Variants in METTL8 observed in about 807,000 individuals in gnomAD.
METTL8 encodes the protein methyltransferase 8, tRNA N3-cytidine.
In METTL8, 32 loss-of-function variants were observed where a neutral mutation model predicts 48.7. The observed-to-expected ratio is 0.66, with a 90% CI of 0.50 to 0.88. METTL8 has a LOEUF of 0.88. METTL8 is among the 40% of genes least tolerant of loss of function. The pLI, the probability that METTL8 is intolerant of heterozygous loss-of-function variation, is 0.00. For missense variants in METTL8, 464 were observed against 474.4 expected, an observed-to-expected ratio of 0.98 and a Z score of 0.20; for synonymous variants, 136 against 157.1, an observed-to-expected ratio of 0.87 and a Z score of 1.01.
chr2:171,434,519 G>C, upstream of METTL8: 2 of 1,522,794 alleles, frequency 1.3e-6, no homozygotes, highest in Non-Finnish European at 1.8e-6. Context: ...TGCCCAGCAC[G>C]GGAGTGTGGG....
At chr2:171,353,180 A>G (rs79777238) in intron 3 of METTL8, among the ~76,000 whole-genome samples, 1 of 152,030 alleles carries the variant, frequency 6.6e-6, no homozygotes, top group African/African-American at 2.4e-5. Context: ...CTTTGTTCTC[A>G]TTGGTTTCAA....
At chr2:171,372,432 T>C (rs1043519008) in intron 2 of METTL8, among the ~76,000 whole-genome samples, 6 of 152,006 alleles carry the variant, frequency 3.9e-5, no homozygotes, top group Non-Finnish European at 7.4e-5. Context: ...TCTCTATATA[T>C]AAAAGCAAAG....
intron 1 of METTL8, among the ~76,000 whole-genome samples, chr2:171,427,437 A>G (rs1302136740): frequency 1.3e-5 from 2 of 152,164 alleles, no homozygotes; most frequent in Non-Finnish European, 2.9e-5. Context: ...AAAATTCCTT[A>G]CCATTGCCTA....
chr2:171,434,679 C>T (rs369447743), upstream of METTL8: 331 of 1,506,738 alleles, frequency 2.2e-4, 4 homozygotes, highest in South Asian at 3.8e-3. Context: ...CCAACCTGGG[C>T]ATCCTGCGGG....
intron 1 of METTL8, among the ~76,000 whole-genome samples, chr2:171,431,953 C>G (rs1292134674): frequency 3.3e-5 from 5 of 152,244 alleles, no homozygotes; most frequent in African/African-American, 1.2e-4. Flanking sequence ...TGTGACATGC[C>G]TGGTCCAGCC....
At chr2:171,360,711 T>A (rs1476852553) in intron 2 of METTL8, among the ~76,000 whole-genome samples, 198 bp from the exon 3 acceptor site, 1 of 152,210 alleles carries the variant, frequency 6.6e-6, no homozygotes, top group Non-Finnish European at 1.5e-5. Flanking sequence ...AAGATTCTTC[T>A]GTTTAAATCT....
At chr2:171,371,122 G>T (rs1176256317) in intron 2 of METTL8, among the ~76,000 whole-genome samples, 1 of 152,132 alleles carries the variant, frequency 6.6e-6, no homozygotes, top group East Asian at 1.9e-4. Flanking sequence ...AAAATGTCAT[G>T]ATTTCAGAGA....
intron 3 of METTL8, among the ~76,000 whole-genome samples, chr2:171,359,173 C>CA (rs57742852): frequency 0.21 from 22,471 of 109,420 alleles, 2,045 homozygotes; most frequent in Middle Eastern, 0.25. Flanking sequence ...GACCCTGTCT[C>CA]AAAAAAAAAA....
intron 2 of METTL8, among the ~76,000 whole-genome samples, chr2:171,366,970 G>T (rs921525947): frequency 6.6e-6 from 1 of 151,428 alleles, no homozygotes; most frequent in Admixed American, 6.6e-5. Context: ...AATGACAGAT[G>T]TAGAAATTAT....
chr2:171,351,415 CT>C (rs912535029), intron 3 of METTL8, among the ~76,000 whole-genome samples: 49 of 152,258 alleles, frequency 3.2e-4, no homozygotes, highest in African/African-American at 1.2e-3. Context: ...CAGGTTTGCT[CT>C]TTTTGCTTAG....
chr2:171,404,217 CTTA>C (rs553587220), intron 1 of METTL8, among the ~76,000 whole-genome samples: 70 of 151,310 alleles, frequency 4.6e-4, no homozygotes, highest in African/African-American at 1.5e-3. Flanking sequence ...CTCAAAATAT[CTTA>C]TTATACTGTA....
chr2:171,366,583 T>C (rs1685736994), intron 2 of METTL8, among the ~76,000 whole-genome samples: 1 of 152,206 alleles, frequency 6.6e-6, no homozygotes, highest in Non-Finnish European at 1.5e-5. Context: ...ACAAGGACTT[T>C]AAAACAGTAT....
chr2:171,396,265 G>GAATAAATA (rs56295899), intron 1 of METTL8, among the ~76,000 whole-genome samples: 4,399 of 151,066 alleles, frequency 0.029, 75 homozygotes, highest in East Asian at 0.049. Context: ...CTGTCTCAAT[G>GAATAAATA]AATAAATAAA....
At chr2:171,406,624 C>G (rs1260258224) in intron 1 of METTL8, among the ~76,000 whole-genome samples, 1 of 152,150 alleles carries the variant, frequency 6.6e-6, no homozygotes, top group Non-Finnish European at 1.5e-5. Context: ...CTCACTTGAT[C>G]TTTATTACCT....
In METTL8 at chr2:171,326,046, T is replaced by C. The variant is rs1485623476; in HGVS notation, c.963A>G (p.Lys321=). Residue 321 remains lysine, a synonymous_variant, in exon 8 of 10, where the codon AAA becomes AAG. Transcript: ENST00000375258. The part of the protein sequence containing the change: ...GRYDKTQLRF[K]KGHCLSENFY... ...TCAAACTGAATATACTATTACCCTT[T>C]TTAAAACGAAGCTGAGTCTTATCAT... 2.0e-6 allele frequency: 3 copies of C among 1,527,530 alleles called. No individual in the cohort carries two copies. Among genetic ancestry groups the C allele is most frequent in the East Asian group, 2.5e-5 (1 of 40,732 alleles). The allele number at this position is 1,527,530 out of a possible 1,614,324, so 94.6% of individuals were successfully genotyped here.
At chr2:171,349,302 T>C (rs1338870165) in intron 3 of METTL8, among the ~76,000 whole-genome samples, 1 of 152,150 alleles carries the variant, frequency 6.6e-6, no homozygotes, top group Non-Finnish European at 1.5e-5. Context: ...TAAGAGGCAA[T>C]TGTCCTAAAT....
chr2:171,367,073 T>C (rs1440357813), intron 2 of METTL8, among the ~76,000 whole-genome samples: 1 of 151,352 alleles, frequency 6.6e-6, no homozygotes, highest in Admixed American at 6.6e-5. Context: ...AACACATAAA[T>C]TGAAAGCCCA....
intron 3 of METTL8, among the ~76,000 whole-genome samples, chr2:171,350,594 TC>T (rs1437762816): frequency 6.6e-6 from 1 of 152,218 alleles, no homozygotes; most frequent in East Asian, 1.9e-4. Flanking sequence ...TTAAAAGTGT[TC>T]CTATTTCTCC....
At chr2:171,415,258 T>C (rs987838955) in intron 1 of METTL8, among the ~76,000 whole-genome samples, 1 of 151,794 alleles carries the variant, frequency 6.6e-6, no homozygotes, top group Admixed American at 6.6e-5. Flanking sequence ...TGCATATGCA[T>C]AGGGAAAGTC....
Sources: gnomAD v4.1 joint callset for allele counts (sites outside exome capture counted in the v4.1 genomes callset) on GRCh38, gnomAD v4.1.1 for gene constraint, MANE v1.5 for transcripts, NCBI Gene and HGNC (gene_info 2026-07-23, HGNC 2026-07-21) for gene names.